Variants in POLQ observed in about 807,000 individuals in gnomAD.
POLQ encodes DNA polymerase theta.
Under a neutral mutation model 259.2 loss-of-function variants are expected in POLQ, and 233 were observed. The ratio of observed to expected loss-of-function variants is 0.90; its 90% CI spans 0.81 to 1.00. The LOEUF is 1.00. POLQ is among the 50% of genes least tolerant of loss of function. The pLI is 0.00. For synonymous variants in POLQ, 1,025 were observed against 1,048.8 expected, an observed-to-expected ratio of 0.98 and a Z score of 0.44; for missense variants, 2,871 against 3,051.6, an observed-to-expected ratio of 0.94 and a Z score of 1.39.
At chr3:121,530,916 G>A (rs2048406654) in intron 6 of POLQ, among the ~76,000 whole-genome samples, 1 of 152,100 alleles carries the variant, frequency 6.6e-6, no homozygotes, top group African/African-American at 2.4e-5. Context: ...AATACATAAG[G>A]GACAGGGCGC....
chr3:121,530,155 T>C (rs2048400964), intron 6 of POLQ, among the ~76,000 whole-genome samples: 1 of 152,218 alleles, frequency 6.6e-6, no homozygotes, highest in African/African-American at 2.4e-5. Flanking sequence ...TTGGACTTTA[T>C]GATTTTTTTT....
At chr3:121,452,651 C>T (rs577920543) in intron 25 of POLQ, among the ~76,000 whole-genome samples, 30 of 152,100 alleles carry the variant, frequency 2.0e-4, no homozygotes, top group African/African-American at 5.8e-4. Context: ...CAGTTGTCTC[C>T]GGCGGATAAG....
At chr3:121,511,799 A>T in intron 10 of POLQ, 88 bp downstream of exon 10, 1 of 1,066,986 alleles carries the variant, frequency 9.4e-7, no homozygotes, top group Non-Finnish European at 1.3e-6. Context: ...AAAAAAAATA[A>T]ATAAATAAAG....
intron 23 of POLQ, among the ~76,000 whole-genome samples, 158 bp downstream of exon 23, chr3:121,468,147 T>A (rs992483932): frequency 6.6e-6 from 1 of 152,226 alleles, no homozygotes; most frequent in Non-Finnish European, 1.5e-5. Context: ...ATTAGCTTCT[T>A]TATAGATGGG....
chr3:121,458,480 G>A (rs941247655), intron 25 of POLQ, among the ~76,000 whole-genome samples: 5 of 152,124 alleles, frequency 3.3e-5, no homozygotes, highest in Non-Finnish European at 7.3e-5. Flanking sequence ...ACCACTTATA[G>A]CTGCATGACC....
At chr3:121,439,788 AT>A (rs1215247119) in intron 27 of POLQ, among the ~76,000 whole-genome samples, 1 of 152,246 alleles carries the variant, frequency 6.6e-6, no homozygotes, top group African/African-American at 2.4e-5. Flanking sequence ...GTTTACATTA[AT>A]CCCCCAGACT....
At chr3:121,486,885 A>AAGAG in intron 16 of POLQ, among the ~76,000 whole-genome samples, 1 of 113,250 alleles carries the variant, frequency 8.8e-6, no homozygotes, top group African/African-American at 3.3e-5. Flanking sequence ...GAAAGAAAGA[A>AAGAG]AGAGAGACAG....
chr3:121,498,049 G>A (rs1044101256), intron 13 of POLQ, among the ~76,000 whole-genome samples: 3 of 151,914 alleles, frequency 2.0e-5, no homozygotes, highest in Non-Finnish European at 4.4e-5. Context: ...GGTGGCTCAC[G>A]CCTGTAATCC....
rs1441683763 is a variant in POLQ, at chr3:121,439,979, A to G, written c.7389+13T>C. On this transcript the variant is annotated intron_variant, in intron 27 of 29. Coordinates refer to ENST00000264233, the MANE Select transcript of POLQ (RefSeq NM_199420.4). ...AAATGTTAAGTTAAAATTCCTAAAA[A>G]ATTTCAACATACGTGAGCTTTACGA... 2 of 1,609,884 alleles carry G rather than the reference A, an allele frequency of 1.2e-6. No individual in the cohort carries two copies. The highest frequency in any genetic ancestry group is 1.7e-6 in the Non-Finnish European group (2 of 1,177,924).
intron 20 of POLQ, among the ~76,000 whole-genome samples, chr3:121,475,816 C>T (rs567239553): frequency 6.6e-6 from 1 of 152,308 alleles, no homozygotes; most frequent in East Asian, 1.9e-4. Flanking sequence ...ACAAGGGCAG[C>T]AATTCTTGCC....
At chr3:121,493,338 A>G (rs1476627424) in intron 15 of POLQ, 140 bp downstream of exon 15, 2 of 605,594 alleles carry the variant, frequency 3.3e-6, no homozygotes, top group Non-Finnish European at 5.4e-6. Flanking sequence ...GGGAAAAAGT[A>G]GCCATATTTT....
intron 6 of POLQ, among the ~76,000 whole-genome samples, chr3:121,531,898 G>T (rs2048414175): frequency 6.6e-6 from 1 of 152,172 alleles, no homozygotes; most frequent in African/African-American, 2.4e-5. Context: ...TGCATACCTA[G>T]GTAGTTAGTG....
chr3:121,487,847 A>T lies in POLQ; in HGVS notation c.5084T>A (p.Phe1695Tyr), dbSNP rs746602773. ...LETKQVQGIS[F>Y]SSNNEVKSKI... Reference sequence around the variant, plus strand: ...GCTTTTTACTTCATTATTAGAAGAAAATGAAATTCCCTGCACTTGTTTTGT... The same window carrying T: ...GCTTTTTACTTCATTATTAGAAGAATATGAAATTCCCTGCACTTGTTTTGT... The change falls in exon 16 of 30, where the codon TTT (phenylalanine) becomes TAT (tyrosine). Residue 1695 changes from phenylalanine to tyrosine, a missense_variant. This residue lies in a region of POLQ where 2,080 missense variants were observed against 2,126.0 expected (regional missense o/e 0.98). Transcript: ENST00000264233. The T allele has an allele frequency of 6.2e-6, 10 of 1,610,390 alleles. No homozygotes were observed. The East Asian group carries it at 8.9e-5, about 14-fold the overall frequency.
chr3:121,530,585 G>T (rs2048404173), intron 6 of POLQ, among the ~76,000 whole-genome samples: 1 of 152,098 alleles, frequency 6.6e-6, no homozygotes, highest in African/African-American at 2.4e-5. Context: ...ATTGTCCTGA[G>T]AAAACAATTT....
At chr3:121,479,362 A>ATGTGTT (rs2047953031) in intron 19 of POLQ, among the ~76,000 whole-genome samples, 1 of 142,654 alleles carries the variant, frequency 7.0e-6, no homozygotes, top group Admixed American at 7.1e-5. Flanking sequence ...AAAAAAAAAA[A>ATGTGTT]TGTGTGTGTG....
At chr3:121,520,209 T>G in intron 8 of POLQ, 126 bp from the exon 9 acceptor site, 1 of 646,712 alleles carries the variant, frequency 1.5e-6, no homozygotes, top group South Asian at 2.0e-5. Flanking sequence ...GTTATGACTG[T>G]TGACAAAGGA....
chr3:121,438,422 T>C (rs1198473627), intron 27 of POLQ, among the ~76,000 whole-genome samples: 1 of 152,224 alleles, frequency 6.6e-6, no homozygotes, highest in African/African-American at 2.4e-5. Flanking sequence ...ATTCGTATTA[T>C]TAGATCGAGT....
intron 11 of POLQ, 82 bp from the exon 12 acceptor site, chr3:121,509,785 T>C: frequency 2.9e-6 from 4 of 1,363,430 alleles, no homozygotes; most frequent in Non-Finnish European, 3.1e-6. Flanking sequence ...CTGTTTTCCA[T>C]GCTAACCCTC....
At chr3:121,472,190 T>C in intron 21 of POLQ, 26 bp from the exon 22 acceptor site, 1 of 1,153,670 alleles carries the variant, frequency 8.7e-7, no homozygotes. Flanking sequence ...AAGGTAAGAT[T>C]GAATTCTTGT....
Sources: allele counts gnomAD v4.1 joint callset (sites outside exome capture counted in the v4.1 genomes callset), GRCh38; gene constraint gnomAD v4.1.1; regional missense constraint gnomAD v4.1.1; transcripts MANE v1.5; gene names NCBI Gene and HGNC (gene_info 2026-07-23, HGNC 2026-07-21).